Variants in C10orf67 observed in about 807,000 individuals in gnomAD.
The protein encoded by C10orf67 is uncharacterized protein C10orf67, mitochondrial.
C10orf67 carries 60 observed loss-of-function variants against 35.6 expected under a neutral mutation model. The ratio of observed to expected loss-of-function variants is 1.68; its 90% CI spans 1.37 to 2.09. The LOEUF is 2.09. Among genes scored for constraint, C10orf67 ranks in the 30% most tolerant of loss-of-function variants. C10orf67 has a pLI of 0.00. For synonymous variants in C10orf67, 167 were observed against 115.8 expected (o/e 1.44, Z -2.84); for missense variants, 474 against 330.2 (o/e 1.44, Z -3.38).
intron 15 of C10orf67, among the ~76,000 whole-genome samples, chr10:23,218,493 G>T (rs760187028): frequency 6.6e-6 from 1 of 151,956 alleles, no homozygotes; most frequent in Non-Finnish European, 1.5e-5. Flanking sequence ...TATGCCTCAA[G>T]TATTAATAGA....
At chr10:23,326,135 G>C (rs1185757515) in intron 2 of C10orf67, among the ~76,000 whole-genome samples, 1 of 152,146 alleles carries the variant, frequency 6.6e-6, no homozygotes, top group Non-Finnish European at 1.5e-5. Flanking sequence ...GATATATTTA[G>C]TGGCTCCAAA....
chr10:23,339,487 G>T (rs1427187050), intron 1 of C10orf67, among the ~76,000 whole-genome samples: 3 of 151,342 alleles, frequency 2.0e-5, no homozygotes, highest in Non-Finnish European at 4.4e-5. Flanking sequence ...GCTAGGTAAG[G>T]AACTTTGACC....
intron 15 of C10orf67, among the ~76,000 whole-genome samples, chr10:23,213,151 T>C (rs1237661928): frequency 1.3e-5 from 2 of 152,092 alleles, no homozygotes; most frequent in Non-Finnish European, 2.9e-5. Flanking sequence ...CTGGCATAGC[T>C]AAAGAGAGAA....
At chr10:23,327,029 C>T (rs536520856) in intron 2 of C10orf67, among the ~76,000 whole-genome samples, 119 of 152,152 alleles carry the variant, frequency 7.8e-4, no homozygotes, top group African/African-American at 2.8e-3. Context: ...AAAGGTTCTA[C>T]ATTTCTTGTA....
Position 23,243,023 on chromosome 10 carries a change from G to GA in C10orf67, c.1347-3208dup, listed in dbSNP as rs1564468657. Among the ~76,000 whole-genome samples, 6 of 152,036 alleles carry GA rather than the reference G, an allele frequency of 3.9e-5. No individual in the cohort carries two copies. In the East Asian group the frequency reaches 1.2e-3, roughly 29 times the overall value. On this transcript the variant is annotated intron_variant, in intron 12 of 15. Coordinates refer to ENST00000636213, the MANE Select transcript of C10orf67 (RefSeq NM_001371909.1). ...AATATAGAAATAAGATAGGCTGAAA[G>GA]AAAAAAGTTAGAAAAAAATACACCA...
In C10orf67 at chr10:23,204,161, G is replaced by A; in HGVS notation, c.*12C>T. 1.8e-6 allele frequency: 1 copy of A among 565,596 alleles called. No individual in the cohort carries two copies. Among genetic ancestry groups the A allele is most frequent in the Non-Finnish European group, 3.3e-6 (1 of 305,826 alleles). 35.0% of individuals were successfully genotyped at this position (565,596 alleles called of 1,614,324 possible). On this transcript the variant is annotated 3_prime_UTR_variant, in exon 16 of 16. Transcript: ENST00000636213. The stretch of plus-strand genomic sequence containing the variant: ...CTGAGGCCCCGTCTGCGCAGCCCAG[G>A]CTTCTGCTGGGTTAATCAACAGTCT...
intron 8 of C10orf67, among the ~76,000 whole-genome samples, chr10:23,268,524 T>C (rs1401387506): frequency 1.3e-5 from 2 of 152,162 alleles, no homozygotes; most frequent in African/African-American, 4.8e-5. Context: ...TTTGTAAAAT[T>C]TTCTCTCACC....
At chr10:23,329,972 A>C (rs1845382454) in intron 2 of C10orf67, among the ~76,000 whole-genome samples, 1 of 152,298 alleles carries the variant, frequency 6.6e-6, no homozygotes, top group African/African-American at 2.4e-5. Flanking sequence ...ACTATTCAAA[A>C]ACCAAATTTT....
intron 8 of C10orf67, 55 bp from the exon 9 acceptor site, chr10:23,267,309 C>CA: frequency 3.0e-6 from 2 of 656,584 alleles, no homozygotes; most frequent in Non-Finnish European, 5.5e-6. Flanking sequence ...TTAAAAAAGA[C>CA]AATTTTCTAT....
At chr10:23,254,216 GT>G (rs1267668212) in intron 10 of C10orf67, among the ~76,000 whole-genome samples, 2 of 152,070 alleles carry the variant, frequency 1.3e-5, no homozygotes, top group South Asian at 2.1e-4. Context: ...CAAAATGTGT[GT>G]TTTTTTTGAG....
intron 15 of C10orf67, among the ~76,000 whole-genome samples, chr10:23,206,273 A>G (rs901787782): frequency 3.3e-5 from 5 of 152,254 alleles, no homozygotes; most frequent in Non-Finnish European, 5.9e-5. Context: ...TGGTCATCCA[A>G]TGGAAATTTC....
intron 13 of C10orf67, among the ~76,000 whole-genome samples, chr10:23,232,808 T>C (rs868057249): frequency 2.0e-5 from 3 of 152,138 alleles, no homozygotes; most frequent in East Asian, 3.9e-4. Context: ...TGACCCACAA[T>C]AGTGTTTCTG....
At chr10:23,327,910 A>G (rs1056701766) in intron 2 of C10orf67, among the ~76,000 whole-genome samples, 7 of 152,128 alleles carry the variant, frequency 4.6e-5, no homozygotes, top group African/African-American at 1.7e-4. Flanking sequence ...ATTGCAACAA[A>G]CACCAGATAA....
chr10:23,233,455 A>C (rs988954832), intron 13 of C10orf67, among the ~76,000 whole-genome samples: 7 of 152,230 alleles, frequency 4.6e-5, no homozygotes, highest in Admixed American at 3.9e-4. Context: ...CCAGTTTATA[A>C]GAAATAAATC....
At position 23,249,587 on chromosome 10, in the gene C10orf67, G is replaced by A. The variant is rs573332932; in HGVS notation, c.1346+868C>T. Among the ~76,000 whole-genome samples the A allele has an allele frequency of 2.6e-5, 4 of 152,284 alleles. No homozygotes were observed. The South Asian group carries it at 8.3e-4, about 32-fold the overall frequency. Reference sequence around the variant, plus strand: ...GGATTCTTTGTGCCACCGCACTTAGGATGAATTATTTCCATAGAATATACA... The same window carrying A: ...GGATTCTTTGTGCCACCGCACTTAGAATGAATTATTTCCATAGAATATACA... On this transcript the variant is annotated intron_variant, in intron 12 of 15. Coordinates refer to ENST00000636213, the MANE Select transcript of C10orf67 (RefSeq NM_001371909.1).
chr10:23,226,297 A>G (rs1482378458), intron 13 of C10orf67, among the ~76,000 whole-genome samples: 1 of 152,086 alleles, frequency 6.6e-6, no homozygotes, highest in Non-Finnish European at 1.5e-5. Flanking sequence ...ACTCAAAACC[A>G]CTCAACTACA....
Position 23,344,692 on chromosome 10 carries a change from C to T in C10orf67, c.83G>A (p.Arg28Lys). 8.9e-6 allele frequency: 14 copies of T among 1,576,442 alleles called. No individual in the cohort carries two copies. Among genetic ancestry groups the T allele is most frequent in the Non-Finnish European group, 1.1e-5 (13 of 1,161,484 alleles). Residue 28 changes from arginine to lysine, a missense_variant, in exon 1 of 16, where the codon AGG becomes AAG. Arg to Lys is a conservative substitution (Grantham distance 26). Transcript: ENST00000636213. ...CTCCCAGCGTGTGCCAAAGGTCCCC[C>T]TCAAGGAGGAGGAAAAGCAGTGAAC... ...RWVHCFSSSLRGTFGTRWEAM... is the reference protein window; with the variant it reads ...RWVHCFSSSLKGTFGTRWEAM...
At chr10:23,236,869 T>TC (rs768191442) in intron 13 of C10orf67, among the ~76,000 whole-genome samples, 2 of 152,142 alleles carry the variant, frequency 1.3e-5, no homozygotes, top group Non-Finnish European at 2.9e-5. Flanking sequence ...AGTGCAAGAC[T>TC]CCGTCTCAAA....
At chr10:23,311,937 A>G (rs1844517091) in intron 4 of C10orf67, among the ~76,000 whole-genome samples, 1 of 152,192 alleles carries the variant, frequency 6.6e-6, no homozygotes, top group Non-Finnish European at 1.5e-5. Context: ...GACTAGGACA[A>G]TACTGGATGG....
Sources: gnomAD v4.1 joint callset for allele counts (sites outside exome capture counted in the v4.1 genomes callset) on GRCh38, gnomAD v4.1.1 for gene constraint, MANE v1.5 for transcripts, NCBI Gene and HGNC (gene_info 2026-07-23, HGNC 2026-07-21) for gene names.